EPB41L3: variants seen among roughly 807,000 people sequenced by gnomAD.
EPB41L3 encodes the protein erythrocyte membrane protein band 4.1 like 3.
A neutral mutation model predicts 127.1 loss-of-function variants in EPB41L3; 57 were observed. That is an observed-to-expected ratio of 0.45 (90% CI 0.36 to 0.56). EPB41L3 has a LOEUF of 0.56. EPB41L3 is among the 20% of genes least tolerant of loss of function. The pLI, the probability that EPB41L3 is intolerant of heterozygous loss-of-function variation, is 0.00. For missense variants in EPB41L3, 1,273 were observed against 1,372.2 expected (o/e 0.93, Z 1.14); for synonymous variants, 572 against 549.5 (o/e 1.04, Z -0.57).
chr18:5,616,995 C>A (rs888587953), intron 1 of EPB41L3, among the ~76,000 whole-genome samples: 1 of 152,178 alleles, frequency 6.6e-6, no homozygotes, highest in Non-Finnish European at 1.5e-5. Context: ...AAATGCAAAA[C>A]TCCTGTGTTG....
At chr18:5,565,986 T>A (rs1459460988) in intron 3 of EPB41L3, among the ~76,000 whole-genome samples, 3 of 152,058 alleles carry the variant, frequency 2.0e-5, no homozygotes, top group Non-Finnish European at 4.4e-5. Context: ...GAGCTATCTA[T>A]GACAAACCCA....
rs1568057807 is a variant in EPB41L3 at position 5,415,858 on chromosome 18, G to A, written c.2027C>T (p.Ala676Val). ...GTCACTCGGGTCATTGTCTAGGGAG[G>A]CGCTCAAGGAGGCCGCCTTGGGCTC... Reference protein sequence around the residue: ...YLEPKAASLSASLDNDPSDSS... With the variant: ...YLEPKAASLSVSLDNDPSDSS... Residue 676 changes from alanine (A) to valine (V), a missense_variant, in exon 13 of 23, where the codon GCC (alanine) becomes GTC (valine). By Grantham distance (64) the Ala-to-Val change is moderately conservative. This residue lies in a region of EPB41L3 where 765 missense variants were observed against 782.9 expected (regional missense o/e 0.98). Coordinates refer to ENST00000341928, the MANE Select transcript of EPB41L3 (RefSeq NM_012307.5). The A allele has an allele frequency of 1.9e-6, 3 of 1,613,310 alleles. No homozygotes were observed. The highest frequency in any genetic ancestry group is 2.2e-5 in the South Asian group (2 of 91,058).
Position 5,397,476 on chromosome 18 carries a change from G to A in EPB41L3, c.2473-50C>T, listed in dbSNP as rs2073758544. 1 of 1,534,220 alleles carries A rather than the reference G, an allele frequency of 6.5e-7. No homozygotes were observed. Among genetic ancestry groups the A allele is most frequent in the Admixed American group, 2.0e-5 (1 of 49,320 alleles). On this transcript the variant is annotated intron_variant, in intron 17 of 22. Transcript: ENST00000341928. This position sits in a 1 kb window ranked among gnomAD's most constrained non-coding sequence, Gnocchi z 4.1. ...CAGTGTGACCATCCATAAACCAAAG[G>A]TCAGAAAATAACTAAAGCTGCCACT...
intron 16 of EPB41L3, chr18:5,398,744 C>T: frequency 2.5e-6 from 1 of 399,356 alleles, no homozygotes; most frequent in Non-Finnish European, 4.4e-6. Context: ...ACAGGCTCTT[C>T]CTTCGGGGAC....
At chr18:5,475,407 C>T (rs1484517494) in intron 3 of EPB41L3, among the ~76,000 whole-genome samples, 2 of 152,188 alleles carry the variant, frequency 1.3e-5, no homozygotes, top group Admixed American at 6.5e-5. Flanking sequence ...CTCCCCAGTC[C>T]GGTGGCTTCA....
At chr18:5,541,439 G>A (rs1375216741) in intron 1 of EPB41L3, among the ~76,000 whole-genome samples, 1 of 151,966 alleles carries the variant, frequency 6.6e-6, no homozygotes, top group Non-Finnish European at 1.5e-5. Flanking sequence ...ATACAACACG[G>A]AAGAAAATAC....
chr18:5,433,018 G>A (rs193002842), intron 8 of EPB41L3, among the ~76,000 whole-genome samples: 16 of 152,150 alleles, frequency 1.1e-4, no homozygotes, highest in Non-Finnish European at 2.2e-4. Flanking sequence ...GGCTGAGTTC[G>A]GACAGACAGA....
intron 3 of EPB41L3, among the ~76,000 whole-genome samples, chr18:5,583,713 C>T (rs1032073653): frequency 2.0e-5 from 3 of 152,144 alleles, no homozygotes; most frequent in Admixed American, 6.5e-5. Flanking sequence ...GGTAATCATA[C>T]AGCATCTTAA....
chr18:5,473,421 A>G (rs1298487629), intron 3 of EPB41L3, among the ~76,000 whole-genome samples: 1 of 152,000 alleles, frequency 6.6e-6, no homozygotes, highest in East Asian at 1.9e-4. Flanking sequence ...TGGCTTAAAC[A>G]TTTGATAGAT....
intron 16 of EPB41L3, chr18:5,400,667 C>T (rs972850558): frequency 1.5e-5 from 7 of 476,698 alleles, no homozygotes; most frequent in African/African-American, 1.4e-4. Context: ...CACGACTCTA[C>T]AGGTAAAAAC....
At chr18:5,600,806 G>A (rs145524121) in intron 3 of EPB41L3, among the ~76,000 whole-genome samples, 16 of 152,184 alleles carry the variant, frequency 1.1e-4, no homozygotes, top group Non-Finnish European at 2.1e-4. Flanking sequence ...CCAAGCTGCC[G>A]CTGCAGAGTC....
chr18:5,402,654 G>T (rs1222070761), intron 16 of EPB41L3, among the ~76,000 whole-genome samples: 3 of 152,108 alleles, frequency 2.0e-5, no homozygotes, highest in African/African-American at 7.2e-5. Flanking sequence ...ATAGAGAAGT[G>T]AAGAGGTACT....
At chr18:5,454,780 C>G (rs1446548787) in intron 3 of EPB41L3, among the ~76,000 whole-genome samples, 1 of 152,202 alleles carries the variant, frequency 6.6e-6, no homozygotes, top group Non-Finnish European at 1.5e-5. Context: ...TATGAAACTA[C>G]TTCCTGGTCT....
At chr18:5,494,592 G>T (rs567636327) in intron 1 of EPB41L3, among the ~76,000 whole-genome samples, 2 of 152,080 alleles carry the variant, frequency 1.3e-5, no homozygotes, top group African/African-American at 4.8e-5. Flanking sequence ...GGGAGGCAGA[G>T]GTTGCAGTGA....
intron 1 of EPB41L3, chr18:5,489,441 A>G: frequency 2.2e-6 from 1 of 446,128 alleles, no homozygotes; most frequent in Non-Finnish European, 3.9e-6. Flanking sequence ...CACAGGCTTT[A>G]TTCCTATTAG....
At chr18:5,570,539 C>A (rs1172319821) in intron 3 of EPB41L3, among the ~76,000 whole-genome samples, 1 of 152,078 alleles carries the variant, frequency 6.6e-6, no homozygotes, top group African/African-American at 2.4e-5. Flanking sequence ...AACTGGCTCA[C>A]CAGCTTCTAG....
chr18:5,444,007 G>C (rs2081142933), intron 4 of EPB41L3, 127 bp from the exon 5 acceptor site: 1 of 745,332 alleles, frequency 1.3e-6, no homozygotes, highest in African/African-American at 1.8e-5. Flanking sequence ...CCCTTACTGT[G>C]GTCCTTCCCC....
chr18:5,410,503 A>G (rs893233773), intron 14 of EPB41L3, 63 bp downstream of exon 14: 35 of 1,237,542 alleles, frequency 2.8e-5, no homozygotes, highest in Non-Finnish European at 4.2e-5. Flanking sequence ...TCTTAAACAC[A>G]GAGCCACCCC....
At chr18:5,549,940 T>C (rs1339463878) in intron 3 of EPB41L3, among the ~76,000 whole-genome samples, 3 of 152,218 alleles carry the variant, frequency 2.0e-5, no homozygotes, top group Admixed American at 1.3e-4. Context: ...GAGTTATTGC[T>C]TGGATCCTGT....
Sources: allele counts gnomAD v4.1 joint callset (sites outside exome capture counted in the v4.1 genomes callset), GRCh38; gene constraint gnomAD v4.1.1; regional missense constraint gnomAD v4.1.1; non-coding constraint Gnocchi (gnomAD v3.1); transcripts MANE v1.5; gene names NCBI Gene and HGNC (gene_info 2026-07-23, HGNC 2026-07-21).